Variants in HDDC2 observed in about 807,000 individuals in gnomAD.
The protein encoded by HDDC2 is HD domain containing 2.
HDDC2 carries 25 observed loss-of-function variants against 25.5 expected under a neutral mutation model. The observed-to-expected ratio is 0.98, with a 90% CI of 0.72 to 1.37. The LOEUF (loss-of-function observed/expected upper bound fraction) is 1.37. Ranked by LOEUF, HDDC2 falls within the 40% of genes most tolerant of loss-of-function variation. The pLI, the probability that HDDC2 is intolerant of heterozygous loss-of-function variation, is 0.00. For missense variants in HDDC2, 264 were observed against 253.1 expected (o/e 1.04, Z -0.29); for synonymous variants, 106 against 89.7 (o/e 1.18, Z -1.03).
chr6:125,283,577 G>A lies in HDDC2; in HGVS notation c.379-6337C>T, dbSNP rs184539274. 9.9e-5 allele frequency among the ~76,000 whole-genome samples: 15 copies of A among 152,202 alleles called. No individual in the cohort carries two copies. The East Asian group carries it at 2.9e-3, about 29-fold the overall frequency. ...AACTCTCATTTACAATTGCTAGAAAGAGAATAAAATACCTAGGAATATAAC... is the reference window on the plus strand; with the variant it reads ...AACTCTCATTTACAATTGCTAGAAAAAGAATAAAATACCTAGGAATATAAC... On this transcript the variant is annotated intron_variant, in intron 4 of 5. Transcript: ENST00000398153.
chr6:125,297,104 T>C (rs1039474811), intron 3 of HDDC2, among the ~76,000 whole-genome samples: 3 of 152,202 alleles, frequency 2.0e-5, no homozygotes, highest in Non-Finnish European at 2.9e-5. Context: ...GATTTACCCT[T>C]GAATAAAACT....
chr6:125,280,793 A>G (rs2115102028), intron 4 of HDDC2, among the ~76,000 whole-genome samples: 2 of 152,370 alleles, frequency 1.3e-5, no homozygotes, highest in East Asian at 3.9e-4. Flanking sequence ...GTGCAGCTTC[A>G]GTACACTTAA....
Position 125,300,616 on chromosome 6 carries a change from G to C in HDDC2, c.128C>G (p.Pro43Arg). ...GTACATGTGATCTGAAACGCTCTCC[G>C]GCCTCTGGACATTTCTGTATACCCA... ...TGWVYRNVQRPESVSDHMYRM... is the reference protein window; with the variant it reads ...TGWVYRNVQRRESVSDHMYRM... Residue 43 changes from proline (P) to arginine (R), a missense_variant, in exon 2 of 6, where the codon CCG (proline) becomes CGG (arginine). Transcript: ENST00000398153. The C allele has an allele frequency of 1.1e-5, 17 of 1,614,084 alleles. No individual in the cohort carries two copies. Among genetic ancestry groups the C allele is most frequent in the Non-Finnish European group, 1.4e-5 (16 of 1,180,002 alleles).
At chr6:125,285,006 A>C (rs9491367) in intron 4 of HDDC2, among the ~76,000 whole-genome samples, 68,147 of 152,000 alleles carry the variant, frequency 0.45, 20,128 homozygotes, top group African/African-American at 0.84. Context: ...GAGTTCATAT[A>C]CTTTGCAGGG....
At chr6:125,280,857 C>T (rs1487417690) in intron 4 of HDDC2, among the ~76,000 whole-genome samples, 1 of 152,250 alleles carries the variant, frequency 6.6e-6, no homozygotes, top group East Asian at 1.9e-4. Flanking sequence ...GCACAGTGCT[C>T]AAGCTCTGCT....
intron 3 of HDDC2, among the ~76,000 whole-genome samples, chr6:125,297,028 C>T (rs1261729180): frequency 6.6e-6 from 1 of 152,206 alleles, no homozygotes; most frequent in South Asian, 2.1e-4. Context: ...CTTGCCTTCT[C>T]TTCACCTTAA....
At chr6:125,292,739 G>A (rs1798649443) in intron 4 of HDDC2, 102 bp downstream of exon 4, 4 of 892,484 alleles carry the variant, frequency 4.5e-6, no homozygotes, top group South Asian at 2.7e-5. Flanking sequence ...ACAGTAATAA[G>A]TTAGGGACCG....
intron 3 of HDDC2, chr6:125,293,308 G>A (rs1345035544): frequency 3.0e-5 from 7 of 235,954 alleles, no homozygotes; most frequent in African/African-American, 6.7e-5. Flanking sequence ...TGGGGAGAAT[G>A]GGAAAGGAAT....
chr6:125,281,224 G>C (rs1562435993), intron 4 of HDDC2, among the ~76,000 whole-genome samples: 1 of 152,094 alleles, frequency 6.6e-6, no homozygotes, highest in South Asian at 2.1e-4. Context: ...AAAGACCAAA[G>C]GTAGATAAAT....
chr6:125,301,625 C>A (rs536611799), intron 1 of HDDC2, among the ~76,000 whole-genome samples: 2 of 152,278 alleles, frequency 1.3e-5, no homozygotes, highest in Non-Finnish European at 2.9e-5. Context: ...TAGGCTCAGA[C>A]TCCGGGCCGC....
chr6:125,289,032 G>GT, intron 4 of HDDC2, among the ~76,000 whole-genome samples: 1 of 111,074 alleles, frequency 9.0e-6, no homozygotes, highest in East Asian at 2.4e-4. Flanking sequence ...ACATGCACAC[G>GT]TATGTTTATT....
At chr6:125,299,987 G>A (rs151315952) in intron 2 of HDDC2, among the ~76,000 whole-genome samples, 1 of 152,182 alleles carries the variant, frequency 6.6e-6, no homozygotes, top group East Asian at 1.9e-4. Context: ...TAACATTTTC[G>A]ACCATAACTT....
chr6:125,300,393 C>G lies in HDDC2; in HGVS notation c.206+145G>C, dbSNP rs559427634. 20 of 991,548 alleles carry G rather than the reference C, an allele frequency of 2.0e-5. No individual in the cohort carries two copies. In the Admixed American group the frequency reaches 5.8e-4, roughly 29 times the overall value. 61.4% of individuals were successfully genotyped at this position (991,548 alleles called of 1,614,324 possible). A position where few individuals can be genotyped will look rare whatever the true frequency, so the allele number is the denominator to read the frequency against. On this transcript the variant is annotated intron_variant, in intron 2 of 5. Transcript: ENST00000398153. ...ACAACTGAGGCAACATAACCCACAT[C>G]CTAAATTTGTATGGTTTGCTTCAAA...
intron 1 of HDDC2, among the ~76,000 whole-genome samples, chr6:125,300,972 C>T (rs567024666): frequency 2.8e-4 from 43 of 152,118 alleles, no homozygotes; most frequent in Non-Finnish European, 5.9e-4. Context: ...TGCATTTTTC[C>T]GAACAAGAGT....
At chr6:125,294,316 C>T (rs1798674169) in intron 3 of HDDC2, among the ~76,000 whole-genome samples, 1 of 152,130 alleles carries the variant, frequency 6.6e-6, no homozygotes, top group African/African-American at 2.4e-5. Flanking sequence ...CAGAATACAA[C>T]CACTTCCAGA....
intron 1 of HDDC2, among the ~76,000 whole-genome samples, 187 bp from the exon 2 acceptor site, chr6:125,300,846 A>C (rs1798788612): frequency 6.6e-6 from 1 of 152,238 alleles, no homozygotes; most frequent in South Asian, 2.1e-4. Flanking sequence ...GAGAGCTCAG[A>C]GAATGAAAGG....
chr6:125,301,481 A>AGCGCGCGCGCGC (rs1554222388), intron 1 of HDDC2, among the ~76,000 whole-genome samples: 1 of 101,540 alleles, frequency 9.8e-6, no homozygotes, highest in African/African-American at 5.9e-5. Flanking sequence ...TGGGGTCGTG[A>AGCGCGCGCGCGC]GCACACACAC....
In HDDC2 at chr6:125,298,646, A is replaced by G; in HGVS notation, c.309+68T>C. 3.4e-6 allele frequency: 4 copies of G among 1,168,098 alleles called. No individual in the cohort carries two copies. In the South Asian group the frequency reaches 4.9e-5, roughly 14 times the overall value. 72.4% of individuals were successfully genotyped at this position (1,168,098 alleles called of 1,614,324 possible). The stretch of plus-strand genomic sequence containing the variant: ...TCTCCCTAACTGTAACAGGTCTCAT[A>G]AACTTAGCTTTGCTTCAGCAAGAGG... On this transcript the variant is annotated intron_variant, in intron 3 of 5. Transcript: ENST00000398153.
chr6:125,300,927 G>A (rs1798790914), intron 1 of HDDC2, among the ~76,000 whole-genome samples: 1 of 152,132 alleles, frequency 6.6e-6, no homozygotes, highest in Non-Finnish European at 1.5e-5. Context: ...GTATAATTAT[G>A]GAACATATGC....
Sources: gnomAD v4.1 joint callset for allele counts (sites outside exome capture counted in the v4.1 genomes callset) on GRCh38, gnomAD v4.1.1 for gene constraint, MANE v1.5 for transcripts, NCBI Gene and HGNC (gene_info 2026-07-23, HGNC 2026-07-21) for gene names.